Variants in FERMT2 observed in about 807,000 individuals in gnomAD.
FERMT2 encodes FERM domain containing kindlin 2.
In FERMT2, 15 loss-of-function variants were observed where a neutral mutation model predicts 82.7. The observed-to-expected ratio is 0.18, with a 90% CI of 0.12 to 0.28. The LOEUF (loss-of-function observed/expected upper bound fraction) is 0.28. Among genes scored for constraint, FERMT2 ranks in the 10% least tolerant of loss-of-function variants. FERMT2 has a pLI of 1.00. For synonymous variants in FERMT2, 274 were observed against 271.5 expected (o/e 1.01, Z -0.09); for missense variants, 645 against 809.4 (o/e 0.80, Z 2.46).
chr14:52,869,317 T>A (rs1402694024), intron 10 of FERMT2, among the ~76,000 whole-genome samples: 1 of 152,212 alleles, frequency 6.6e-6, no homozygotes, highest in African/African-American at 2.4e-5. Context: ...TTCTATTTTT[T>A]AAAAATTTGT....
In FERMT2 at chr14:52,857,643, TTG is replaced by T. The variant is rs960875318; in HGVS notation, c.*732_*733del. On this transcript the variant is annotated 3_prime_UTR_variant, in exon 15 of 15. Coordinates refer to ENST00000341590, the MANE Select transcript of FERMT2 (RefSeq NM_006832.3). Reference sequence around the variant, plus strand: ...AAAAAACTGTACAATTTTATAAAATTTGTGTTTTTACATTAGTTACACAAAAT... The same window carrying T: ...AAAAAACTGTACAATTTTATAAAATTTGTTTTTACATTAGTTACACAAAAT... The T allele has an allele frequency of 3.3e-5, 5 of 152,670 alleles. No homozygotes were observed. Among genetic ancestry groups the T allele is most frequent in the Admixed American group, 6.5e-5 (1 of 15,282 alleles). 9.5% of individuals were successfully genotyped at this position (152,670 alleles called of 1,614,324 possible).
intron 3 of FERMT2, among the ~76,000 whole-genome samples, chr14:52,894,521 C>A (rs1028762776): frequency 6.6e-6 from 1 of 152,060 alleles, no homozygotes; most frequent in South Asian, 2.1e-4. Flanking sequence ...TTTAAGACAT[C>A]ATAAAGCTGT....
intron 12 of FERMT2, chr14:52,862,220 A>C (rs890285926): frequency 6.6e-6 from 1 of 152,158 alleles, no homozygotes. Flanking sequence ...GTGCACCACC[A>C]TGCCTGGCTA....
chr14:52,943,471 G>A (rs187464994), intron 2 of FERMT2, among the ~76,000 whole-genome samples: 70 of 152,108 alleles, frequency 4.6e-4, no homozygotes, highest in African/African-American at 1.5e-3. Context: ...AACTAAATGC[G>A]AAATGAGATT....
At chr14:52,871,558 A>G (rs1389927472) in intron 10 of FERMT2, 1 of 152,322 alleles carries the variant, frequency 6.6e-6, no homozygotes, top group Non-Finnish European at 1.5e-5. Context: ...AACCAGACTA[A>G]TCTGGAGAGG....
At chr14:52,895,711 G>C (rs937994727) in intron 3 of FERMT2, among the ~76,000 whole-genome samples, 2 of 152,106 alleles carry the variant, frequency 1.3e-5, no homozygotes, top group Non-Finnish European at 2.9e-5. Context: ...GATTGTGGTG[G>C]TTTCAGAGGT....
In FERMT2 at chr14:52,860,267, A is replaced by G. The variant is rs567723478; in HGVS notation, c.1727+74T>C. ...TACATAGGTATGCTTTAGATGTTTA[A>G]TATCTAATTACATGAGGTAGATTAA... On this transcript the variant is annotated intron_variant, in intron 13 of 14. Coordinates refer to ENST00000341590, the MANE Select transcript of FERMT2 (RefSeq NM_006832.3). 7.5e-6 allele frequency: 10 copies of G among 1,338,298 alleles called. No individual in the cohort carries two copies. The East Asian group carries it at 1.6e-4, about 22-fold the overall frequency. The allele number at this position is 1,338,298 out of a possible 1,614,324, so 82.9% of individuals were successfully genotyped here.
chr14:52,871,249 G>C (rs1885604727), intron 10 of FERMT2, among the ~76,000 whole-genome samples: 1 of 152,204 alleles, frequency 6.6e-6, no homozygotes, highest in Non-Finnish European at 1.5e-5. Flanking sequence ...AATGAGTCTA[G>C]AAAGTGTATT....
chr14:52,879,981 C>T (rs1213112312), intron 6 of FERMT2, among the ~76,000 whole-genome samples: 1 of 152,208 alleles, frequency 6.6e-6, no homozygotes, highest in African/African-American at 2.4e-5. Flanking sequence ...AAAAATTTGG[C>T]TGAGCATGGT....
At chr14:52,933,415 T>G (rs886944756) in intron 2 of FERMT2, among the ~76,000 whole-genome samples, 1 of 151,986 alleles carries the variant, frequency 6.6e-6, no homozygotes, top group Non-Finnish European at 1.5e-5. Flanking sequence ...ACTTAAAAAC[T>G]TTCCAAGTCT....
intron 3 of FERMT2, among the ~76,000 whole-genome samples, chr14:52,897,884 G>A (rs1355377021): frequency 1.3e-5 from 2 of 151,174 alleles, no homozygotes; most frequent in African/African-American, 4.9e-5. Flanking sequence ...GCTGAGGCAG[G>A]GGAATCGCTT....
intron 2 of FERMT2, among the ~76,000 whole-genome samples, chr14:52,939,949 T>C (rs1187758122): frequency 1.3e-5 from 2 of 152,232 alleles, no homozygotes; most frequent in East Asian, 3.8e-4. Flanking sequence ...TTATTGGTGT[T>C]TTATTCATAA....
At chr14:52,891,957 G>A (rs1265848208) in intron 4 of FERMT2, among the ~76,000 whole-genome samples, 2 of 152,042 alleles carry the variant, frequency 1.3e-5, no homozygotes, top group African/African-American at 2.4e-5. Flanking sequence ...TTCATGCAGT[G>A]AGCTCACATT....
At chr14:52,882,495 T>A (rs1406038077) in intron 4 of FERMT2, among the ~76,000 whole-genome samples, 1 of 152,198 alleles carries the variant, frequency 6.6e-6, no homozygotes, top group Non-Finnish European at 1.5e-5. Flanking sequence ...ATTTAAGGCA[T>A]CTAAAAATGT....
chr14:52,949,644 TCA>T (rs1890524933), intron 2 of FERMT2, among the ~76,000 whole-genome samples: 1 of 152,210 alleles, frequency 6.6e-6, no homozygotes, highest in African/African-American at 2.4e-5. Flanking sequence ...TGCACACTCT[TCA>T]CACACTTCAT....
chr14:52,877,574 C>CTTTAATTTTTTTTTTT (rs771194186), intron 7 of FERMT2, among the ~76,000 whole-genome samples: 1 of 67,062 alleles, frequency 1.5e-5, no homozygotes, highest in African/African-American at 6.1e-5. Context: ...GCTGTTCTTG[C>CTTTAATTTTTTTTTTT]TTTTTTTTTT....
At chr14:52,899,164 A>T (rs1328763379) in intron 3 of FERMT2, among the ~76,000 whole-genome samples, 1 of 152,182 alleles carries the variant, frequency 6.6e-6, no homozygotes, top group Non-Finnish European at 1.5e-5. Flanking sequence ...TGCTTGTAAA[A>T]TCAATAATAA....
At chr14:52,889,380 G>C (rs1305559508) in intron 4 of FERMT2, among the ~76,000 whole-genome samples, 1 of 152,196 alleles carries the variant, frequency 6.6e-6, no homozygotes, top group Non-Finnish European at 1.5e-5. Context: ...CTGAGGAATA[G>C]TACACAGACC....
chr14:52,933,145 C>A (rs987033937), intron 2 of FERMT2, among the ~76,000 whole-genome samples: 25 of 152,150 alleles, frequency 1.6e-4, no homozygotes, highest in African/African-American at 6.0e-4. Flanking sequence ...TTATAGTAAT[C>A]TAATCCTTAT....
Sources: gnomAD v4.1 joint callset for allele counts (sites outside exome capture counted in the v4.1 genomes callset) on GRCh38, gnomAD v4.1.1 for gene constraint, MANE v1.5 for transcripts, NCBI Gene and HGNC (gene_info 2026-07-23, HGNC 2026-07-21) for gene names.